The following TRIM5 variants were observed in gnomAD, a reference collection of about 807,000 sequenced individuals.
The protein encoded by TRIM5 is tripartite motif-containing protein 5.
Under a neutral mutation model 35.6 loss-of-function variants are expected in TRIM5, and 31 were observed. The observed-to-expected ratio is 0.87, with a 90% CI of 0.65 to 1.18. The LOEUF (loss-of-function observed/expected upper bound fraction) is 1.18, where lower values mean the gene tolerates loss of function less well. TRIM5 is among the 50% of genes most tolerant of loss of function. The pLI, the probability that TRIM5 is intolerant of heterozygous loss-of-function variation, is 0.00. For synonymous variants in TRIM5, 243 were observed against 215.6 expected, an observed-to-expected ratio of 1.13 and a Z score of -1.11; for missense variants, 609 against 591.6, an observed-to-expected ratio of 1.03 and a Z score of -0.31.
At chr11:5,656,688 C>T in the TRIM5 span, among the ~76,000 whole-genome samples, 2 of 151,824 alleles carry the variant, frequency 1.3e-5, no homozygotes, top group Non-Finnish European at 2.9e-5. Flanking sequence ...GACATTTATG[C>T]GGCCAACAAA....
chr11:5,609,285 C>A, the TRIM5 span, among the ~76,000 whole-genome samples: 1 of 152,122 alleles, frequency 6.6e-6, no homozygotes, highest in African/African-American at 2.4e-5. Flanking sequence ...GTGAGGACAT[C>A]TTTTCTCCAG....
chr11:5,660,255 G>A (rs1268638741), downstream of TRIM5, among the ~76,000 whole-genome samples: 3 of 152,126 alleles, frequency 2.0e-5, no homozygotes, highest in Non-Finnish European at 4.4e-5. Context: ...GATTACAAGC[G>A]TAAGCCACTG....
the TRIM5 span, among the ~76,000 whole-genome samples, chr11:5,652,328 G>A: frequency 6.6e-6 from 1 of 152,068 alleles, no homozygotes; most frequent in Admixed American, 6.5e-5. Flanking sequence ...AATCCATCTT[G>A]AGTTGACTTT....
chr11:5,598,130 A>G, the TRIM5 span, among the ~76,000 whole-genome samples: 1 of 151,996 alleles, frequency 6.6e-6, no homozygotes, highest in East Asian at 1.9e-4. Context: ...TCTCGTCTGC[A>G]CTCCTCACAG....
chr11:5,642,302 GGGTT>G, the TRIM5 span: 4 of 999,632 alleles, frequency 4.0e-6, no homozygotes, highest in Non-Finnish European at 6.0e-6. Context: ...TCAGGGAGAA[GGGTT>G]CAAGTGCATC....
downstream of TRIM5, among the ~76,000 whole-genome samples, chr11:5,660,843 C>T (rs1005668390): frequency 6.6e-6 from 1 of 151,462 alleles, no homozygotes; most frequent in Non-Finnish European, 1.5e-5. Context: ...GAGATCGGGA[C>T]CATCCTGGCT....
chr11:5,600,199 G>GT, the TRIM5 span, among the ~76,000 whole-genome samples: 1 of 152,082 alleles, frequency 6.6e-6, no homozygotes, highest in Non-Finnish European at 1.5e-5. Context: ...TGCAGCCTGC[G>GT]TATCTGCATT....
the TRIM5 span, among the ~76,000 whole-genome samples, chr11:5,620,175 T>G: frequency 8.8e-6 from 1 of 113,684 alleles, no homozygotes; most frequent in Non-Finnish European, 1.9e-5. Context: ...TTCTTTTTTT[T>G]TTTTTTTTTT....
Position 5,663,283 on chromosome 11 carries a change from A to G in TRIM5, c.*1526T>C. 7.4e-6 allele frequency: 7 copies of G among 950,830 alleles called. No individual in the cohort carries two copies. The highest frequency in any genetic ancestry group is 8.8e-6 in the Non-Finnish European group (7 of 798,454). 58.9% of individuals were successfully genotyped at this position (950,830 alleles called of 1,614,324 possible). ...TTTATTATAATTATTTTTTACAATTAATAAACTGATTCCCACATAATTCAG... is the reference window on the plus strand; with the variant it reads ...TTTATTATAATTATTTTTTACAATTGATAAACTGATTCCCACATAATTCAG... On this transcript the variant is annotated 3_prime_UTR_variant, in exon 8 of 8. Transcript: ENST00000380034.
chr11:5,683,727 G>A (rs565798211), intron 1 of TRIM5, among the ~76,000 whole-genome samples: 1 of 152,176 alleles, frequency 6.6e-6, no homozygotes, highest in South Asian at 2.1e-4. Context: ...GAGAACTTTT[G>A]TGTCTAGCTC....
At chr11:5,604,658 T>C in the TRIM5 span, 1 of 1,603,492 alleles carries the variant, frequency 6.2e-7, no homozygotes, top group Non-Finnish European at 8.5e-7. Context: ...GAAGATGTCC[T>C]GGGGCAGGAA....
chr11:5,613,263 G>A, the TRIM5 span, among the ~76,000 whole-genome samples: 1 of 152,262 alleles, frequency 6.6e-6, no homozygotes, highest in African/African-American at 2.4e-5. Context: ...AAGGGCTCAT[G>A]ACCAGAGAAT....
the TRIM5 span, chr11:5,610,449 A>G: frequency 1.2e-6 from 2 of 1,609,808 alleles, no homozygotes; most frequent in Non-Finnish European, 1.7e-6. Flanking sequence ...ATTCCTCACC[A>G]TTCCCCTCAA....
At chr11:5,665,612 T>C in intron 7 of TRIM5, 44 bp downstream of exon 7, 1 of 1,581,192 alleles carries the variant, frequency 6.3e-7, no homozygotes, top group Middle Eastern at 1.7e-4. Context: ...ATAATAATAA[T>C]GATAAGCCGC....
At chr11:5,654,825 G>A in the TRIM5 span, among the ~76,000 whole-genome samples, 1 of 152,144 alleles carries the variant, frequency 6.6e-6, no homozygotes, top group South Asian at 2.1e-4. Context: ...TTACCTAAAT[G>A]TTAATAACAC....
the TRIM5 span, among the ~76,000 whole-genome samples, chr11:5,638,667 C>T: frequency 4.6e-5 from 7 of 152,276 alleles, no homozygotes; most frequent in Non-Finnish European, 7.4e-5. Flanking sequence ...TTTGACAATA[C>T]GGCATAAGAA....
At chr11:5,628,570 G>C in the TRIM5 span, among the ~76,000 whole-genome samples, 1 of 152,122 alleles carries the variant, frequency 6.6e-6, no homozygotes, top group African/African-American at 2.4e-5. Context: ...AGGTCTCGAG[G>C]CCTAGGTTTA....
chr11:5,639,793 G>A, the TRIM5 span, among the ~76,000 whole-genome samples: 1 of 150,048 alleles, frequency 6.7e-6, no homozygotes, highest in Non-Finnish European at 1.5e-5. Flanking sequence ...AAAAGAGAGA[G>A]ATTTACTATT....
chr11:5,679,281 C>A (rs986122941), intron 2 of TRIM5, 112 bp from the exon 3 acceptor site: 3 of 896,066 alleles, frequency 3.3e-6, no homozygotes, highest in African/African-American at 1.7e-5. Flanking sequence ...TTTGCAGAAA[C>A]TGTGAGAATG....
Sources: allele counts gnomAD v4.1 joint callset (sites outside exome capture counted in the v4.1 genomes callset), GRCh38; gene constraint gnomAD v4.1.1; transcripts MANE v1.5; gene names NCBI Gene and HGNC (gene_info 2026-07-23, HGNC 2026-07-21).